The following ITPR2 variants were observed in gnomAD, a reference collection of about 807,000 sequenced individuals.
The protein encoded by ITPR2 is inositol 1,4,5-trisphosphate-gated calcium channel ITPR2.
ITPR2 carries 207 observed loss-of-function variants against 317.1 expected under a neutral mutation model. The ratio of observed to expected loss-of-function variants is 0.65; its 90% CI spans 0.58 to 0.73. The LOEUF is 0.73. ITPR2 is among the 30% of genes least tolerant of loss of function. The pLI is 0.00. For missense variants in ITPR2, 2,613 were observed against 3,284.0 expected (o/e 0.80, Z 4.99); for synonymous variants, 1,156 against 1,149.1 (o/e 1.01, Z -0.12).
intron 28 of ITPR2, among the ~76,000 whole-genome samples, chr12:26,601,671 A>AT (rs1946000818): frequency 6.6e-6 from 1 of 152,226 alleles, no homozygotes; most frequent in Non-Finnish European, 1.5e-5. Context: ...ACAATAAATG[A>AT]ATAAGTTGAA....
At chr12:26,608,670 G>C (rs1314445439) in intron 26 of ITPR2, among the ~76,000 whole-genome samples, 1 of 151,532 alleles carries the variant, frequency 6.6e-6, no homozygotes, top group Non-Finnish European at 1.5e-5. Context: ...TGAAGTGAGG[G>C]GCCCCTCTGC....
Position 26,659,008 on chromosome 12 carries a change from TA to T in ITPR2, c.1886+104del, listed in dbSNP as rs1440090896. ...CAATAAGCCCAACATAGTTCGTCCA[TA>T]AAAGTTAGTGATGTGAAAGAACTCT... On this transcript the variant is annotated intron_variant, in intron 16 of 56. Coordinates refer to ENST00000381340, the MANE Select transcript of ITPR2 (RefSeq NM_002223.4). 16 of 843,078 alleles carry T rather than the reference TA, an allele frequency of 1.9e-5. 1 individual carries two copies. The highest frequency in any genetic ancestry group is 2.6e-5 in the Non-Finnish European group (14 of 537,746). The allele number at this position is 843,078 out of a possible 1,614,324, so 52.2% of individuals were successfully genotyped here. A position where few individuals can be genotyped will look rare whatever the true frequency, so the allele number is the denominator to read the frequency against.
intron 10 of ITPR2, among the ~76,000 whole-genome samples, chr12:26,689,448 AAGAG>A (rs1380648198): frequency 6.6e-6 from 1 of 151,942 alleles, no homozygotes; most frequent in Non-Finnish European, 1.5e-5. Context: ...AAAAGAAAAA[AAGAG>A]AGGGAGGGAG....
rs575118928 is a variant in ITPR2 at position 26,615,076 on chromosome 12, C to T, written c.3462+6047G>A. Among the ~76,000 whole-genome samples, 10 of 152,268 alleles carry T rather than the reference C, an allele frequency of 6.6e-5. No individual in the cohort carries two copies. The South Asian group carries it at 2.1e-3, about 32-fold the overall frequency. The stretch of plus-strand genomic sequence containing the variant: ...GGACTATATGGGAACTCTATGCTTT[C>T]TGTGTAATTTTTCTCTAAACCTAAA... On this transcript the variant is annotated intron_variant, in intron 26 of 56. Transcript: ENST00000381340.
chr12:26,646,411 TCAAGG>T (rs1947115719), intron 21 of ITPR2, among the ~76,000 whole-genome samples: 1 of 152,060 alleles, frequency 6.6e-6, no homozygotes, highest in East Asian at 1.9e-4. Flanking sequence ...AAAAAGCACT[TCAAGG>T]TAGATAATGT....
At chr12:26,790,572 G>A (rs1950324072) in intron 1 of ITPR2, among the ~76,000 whole-genome samples, 1 of 114,356 alleles carries the variant, frequency 8.7e-6, no homozygotes, top group Non-Finnish European at 2.0e-5. Flanking sequence ...CAATCAATAA[G>A]ATACATATAT....
At chr12:26,711,060 T>A in intron 9 of ITPR2, 113 bp downstream of exon 9, 1 of 664,016 alleles carries the variant, frequency 1.5e-6, no homozygotes, top group Non-Finnish European at 2.7e-6. Flanking sequence ...GAGGCAACAA[T>A]CAAATTTGTG....
At chr12:26,678,088 T>C (rs1296432817) in intron 13 of ITPR2, among the ~76,000 whole-genome samples, 6 of 152,156 alleles carry the variant, frequency 3.9e-5, no homozygotes, top group African/African-American at 1.4e-4. Flanking sequence ...TAATACTGAA[T>C]TAATCACATC....
At chr12:26,713,773 C>G (rs1320845264) in intron 8 of ITPR2, among the ~76,000 whole-genome samples, 1 of 150,314 alleles carries the variant, frequency 6.7e-6, no homozygotes, top group Non-Finnish European at 1.5e-5. Flanking sequence ...ATTGCTACCT[C>G]TATATTTTTT....
intron 46 of ITPR2, among the ~76,000 whole-genome samples, chr12:26,440,657 T>C (rs1040241884): frequency 6.6e-6 from 1 of 152,074 alleles, no homozygotes; most frequent in Non-Finnish European, 1.5e-5. Context: ...TTCTTGCATA[T>C]AGGTTACAAA....
intron 2 of ITPR2, among the ~76,000 whole-genome samples, chr12:26,779,871 T>C (rs917249851): frequency 1.3e-5 from 2 of 152,074 alleles, no homozygotes; most frequent in Non-Finnish European, 2.9e-5. Flanking sequence ...AGAAGCATGA[T>C]TGGAAAATTG....
chr12:26,595,763 T>G (rs1168687724), intron 31 of ITPR2, among the ~76,000 whole-genome samples, 173 bp from the exon 32 acceptor site: 20 of 152,198 alleles, frequency 1.3e-4, no homozygotes, highest in Admixed American at 1.3e-3. Flanking sequence ...TCCACTGACC[T>G]AAGGGTGAAA....
intron 55 of ITPR2, among the ~76,000 whole-genome samples, chr12:26,352,986 A>G (rs1035876899): frequency 6.6e-6 from 1 of 152,226 alleles, no homozygotes; most frequent in Admixed American, 6.5e-5. Flanking sequence ...TTGGTTGTTA[A>G]ACACCAACTA....
In ITPR2 at chr12:26,655,700, C is replaced by A. The variant is rs369876490; in HGVS notation, c.2589+8G>T. The A allele has an allele frequency of 9.3e-6, 15 of 1,608,436 alleles. No individual in the cohort carries two copies. Among genetic ancestry groups the A allele is most frequent in the East Asian group, 4.5e-5 (2 of 44,672 alleles). ...CAAAACATCCTAAATATTAGAGGGA[C>A]AAAGTACCTCAAATGTCAGTTTATT... On this transcript the variant is annotated splice_region_variant and intron_variant, in intron 20 of 56. Coordinates refer to ENST00000381340, the MANE Select transcript of ITPR2 (RefSeq NM_002223.4).
At chr12:26,423,245 T>C (rs1349747248) in intron 49 of ITPR2, among the ~76,000 whole-genome samples, 1 of 152,148 alleles carries the variant, frequency 6.6e-6, no homozygotes, top group Non-Finnish European at 1.5e-5. Context: ...ACTCCAAATA[T>C]ATCACTGAAT....
chr12:26,429,519 A>G (rs1393473220), intron 48 of ITPR2, among the ~76,000 whole-genome samples: 1 of 152,188 alleles, frequency 6.6e-6, no homozygotes, highest in Non-Finnish European at 1.5e-5. Context: ...CAGGCTGACC[A>G]CCAACTGCCC....
At chr12:26,621,045 T>G in intron 26 of ITPR2, 78 bp downstream of exon 26, 1 of 1,292,502 alleles carries the variant, frequency 7.7e-7, no homozygotes, top group East Asian at 2.4e-5. Flanking sequence ...TGAACAATTT[T>G]GATTGTAGAG....
chr12:26,627,893 CA>C, intron 23 of ITPR2, 139 bp downstream of exon 23: 1 of 713,580 alleles, frequency 1.4e-6, no homozygotes, highest in Non-Finnish European at 2.2e-6. Context: ...GCACGTTCTG[CA>C]CATGTATCCC....
intron 26 of ITPR2, among the ~76,000 whole-genome samples, chr12:26,608,722 C>A (rs908605814): frequency 1.1e-4 from 16 of 151,518 alleles, no homozygotes; most frequent in Admixed American, 2.0e-4. Context: ...AAGTGGCAGC[C>A]TTGTGTGTGA....
Sources: gnomAD v4.1 joint callset for allele counts (sites outside exome capture counted in the v4.1 genomes callset) on GRCh38, gnomAD v4.1.1 for gene constraint, MANE v1.5 for transcripts, NCBI Gene and HGNC (gene_info 2026-07-23, HGNC 2026-07-21) for gene names.